The following GUCY1A2 variants were observed in gnomAD, a reference collection of about 807,000 sequenced individuals.
GUCY1A2 encodes guanylate cyclase soluble subunit alpha-2.
Under a neutral mutation model 63.5 loss-of-function variants are expected in GUCY1A2, and 27 were observed. The ratio of observed to expected loss-of-function variants is 0.43; its 90% CI spans 0.31 to 0.59. The LOEUF is 0.59. Among genes scored for constraint, GUCY1A2 ranks in the 20% least tolerant of loss-of-function variants. GUCY1A2 has a pLI of 0.11. For synonymous variants in GUCY1A2, 364 were observed against 343.5 expected, an observed-to-expected ratio of 1.06 and a Z score of -0.66; for missense variants, 768 against 913.3, an observed-to-expected ratio of 0.84 and a Z score of 2.05.
intron 7 of GUCY1A2, among the ~76,000 whole-genome samples, chr11:106,693,127 C>T (rs923528592): frequency 1.3e-5 from 2 of 152,026 alleles, no homozygotes; most frequent in Non-Finnish European, 2.9e-5. Flanking sequence ...GCTCACCAAG[C>T]GATACTTGAA....
At chr11:106,726,911 C>T (rs558263291) in intron 6 of GUCY1A2, among the ~76,000 whole-genome samples, 12 of 152,178 alleles carry the variant, frequency 7.9e-5, no homozygotes, top group Non-Finnish European at 1.6e-4. Context: ...CTGGCTGTGG[C>T]GGACTTACCA....
intron 2 of GUCY1A2, among the ~76,000 whole-genome samples, chr11:106,979,821 C>T (rs1236092303): frequency 6.6e-6 from 1 of 152,198 alleles, no homozygotes; most frequent in East Asian, 1.9e-4. Flanking sequence ...GCCACTGCCC[C>T]TGTCACTCTA....
At chr11:106,958,196 C>T (rs1189775182) in intron 3 of GUCY1A2, among the ~76,000 whole-genome samples, 1 of 152,076 alleles carries the variant, frequency 6.6e-6, no homozygotes, top group African/African-American at 2.4e-5. Flanking sequence ...TGTGAATACA[C>T]CATTTAGTAT....
In GUCY1A2 at chr11:106,707,930, A is replaced by T. The variant is rs557902393; in HGVS notation, c.1991+582T>A. Among the ~76,000 whole-genome samples the T allele has an allele frequency of 2.4e-4, 37 of 152,296 alleles. 1 individual carries two copies. Among genetic ancestry groups the T allele is most frequent in the African/African-American group, 7.5e-4 (31 of 41,564 alleles). On this transcript the variant is annotated intron_variant, in intron 7 of 7. Transcript: ENST00000526355. ...CTGAAACTTTTTGAGAACCAACACG[A>T]TACTGAAAGGAAATGCTCTTTGGAA...
At chr11:106,788,956 T>C (rs986957937) in intron 5 of GUCY1A2, among the ~76,000 whole-genome samples, 5 of 152,262 alleles carry the variant, frequency 3.3e-5, no homozygotes, top group African/African-American at 1.2e-4. Flanking sequence ...GGTATTTTGA[T>C]AGGAATTGCA....
chr11:106,710,652 G>A (rs1354852680), intron 6 of GUCY1A2, among the ~76,000 whole-genome samples: 1 of 151,572 alleles, frequency 6.6e-6, no homozygotes, highest in African/African-American at 2.4e-5. Flanking sequence ...TAGTCTGTCT[G>A]GTCCATGCCT....
At chr11:106,711,492 A>C (rs1015432495) in intron 6 of GUCY1A2, among the ~76,000 whole-genome samples, 2 of 152,148 alleles carry the variant, frequency 1.3e-5, no homozygotes, top group Admixed American at 1.3e-4. Context: ...GGTCATCCAG[A>C]TTGCCAGGCT....
chr11:106,958,133 C>T (rs942632072), intron 3 of GUCY1A2, among the ~76,000 whole-genome samples: 15 of 152,136 alleles, frequency 9.9e-5, no homozygotes, highest in African/African-American at 3.6e-4. Context: ...TACTTCTATA[C>T]TTCTGGAAGA....
chr11:106,855,325 C>A (rs1012097405), intron 4 of GUCY1A2, among the ~76,000 whole-genome samples: 1 of 152,120 alleles, frequency 6.6e-6, no homozygotes, highest in Non-Finnish European at 1.5e-5. Flanking sequence ...AATGAAGACA[C>A]CTTCCTCATT....
At chr11:106,781,249 C>T (rs74637215) in intron 5 of GUCY1A2, among the ~76,000 whole-genome samples, 2,780 of 152,128 alleles carry the variant, frequency 0.018, 41 homozygotes, top group Non-Finnish European at 0.031. Context: ...TTTATTTTCA[C>T]CATCTCCCAC....
chr11:106,999,521 A>G (rs552901719), intron 1 of GUCY1A2, among the ~76,000 whole-genome samples: 20 of 152,344 alleles, frequency 1.3e-4, no homozygotes, highest in African/African-American at 4.8e-4. Context: ...TTGTGGATTT[A>G]TAATCACACA....
At chr11:106,885,634 A>T (rs542365161) in intron 4 of GUCY1A2, among the ~76,000 whole-genome samples, 1 of 152,304 alleles carries the variant, frequency 6.6e-6, no homozygotes, top group East Asian at 1.9e-4. Context: ...TTCAATATCG[A>T]ACCACATAAT....
chr11:106,923,327 C>T (rs1860474998), intron 4 of GUCY1A2, among the ~76,000 whole-genome samples: 4 of 152,176 alleles, frequency 2.6e-5, no homozygotes, highest in Admixed American at 1.3e-4. Flanking sequence ...ATCCTTAGAT[C>T]GCTCGCTTAG....
chr11:107,009,013 A>G (rs893240511), intron 1 of GUCY1A2, among the ~76,000 whole-genome samples: 20 of 152,228 alleles, frequency 1.3e-4, no homozygotes, highest in Admixed American at 9.8e-4. Context: ...AATTAAGGTA[A>G]CATCAGGACC....
At chr11:106,922,691 ATATATATATATATATATATATATATG>A (rs1254073816) in intron 4 of GUCY1A2, among the ~76,000 whole-genome samples, 41 of 16,982 alleles carry the variant, frequency 2.4e-3, no homozygotes, top group African/African-American at 6.2e-3. Flanking sequence ...ATATATATAT[ATATATATATATATATATATATATATG>A]TACTCACAAT....
intron 4 of GUCY1A2, among the ~76,000 whole-genome samples, chr11:106,856,592 T>C (rs11211949): frequency 2.0e-5 from 3 of 151,974 alleles, no homozygotes; most frequent in African/African-American, 7.3e-5. Context: ...TTCCTCTATA[T>C]CCTATTACAT....
At chr11:106,986,937 G>C (rs987996953) in intron 1 of GUCY1A2, among the ~76,000 whole-genome samples, 1 of 152,146 alleles carries the variant, frequency 6.6e-6, no homozygotes, top group African/African-American at 2.4e-5. Context: ...CTTAATCCCA[G>C]ATCAAGAAAT....
chr11:106,941,514 A>G (rs1220449427), intron 3 of GUCY1A2, among the ~76,000 whole-genome samples: 1 of 152,126 alleles, frequency 6.6e-6, no homozygotes, highest in Non-Finnish European at 1.5e-5. Flanking sequence ...ACATATTCAT[A>G]TTTTCTTGCC....
intron 5 of GUCY1A2, among the ~76,000 whole-genome samples, chr11:106,791,809 C>A (rs181425522): frequency 3.3e-5 from 5 of 152,240 alleles, no homozygotes; most frequent in African/African-American, 1.2e-4. Context: ...ACATTTGATT[C>A]CTTTAGAACA....
Sources: allele counts gnomAD v4.1 joint callset (sites outside exome capture counted in the v4.1 genomes callset), GRCh38; gene constraint gnomAD v4.1.1; transcripts MANE v1.5; gene names NCBI Gene and HGNC (gene_info 2026-07-23, HGNC 2026-07-21).